Variants in NAA25 observed in about 807,000 individuals in gnomAD.
NAA25 encodes N-terminal acetyltransferase B complex subunit NAA25.
In NAA25, 30 loss-of-function variants were observed where a neutral mutation model predicts 132.5. That is an observed-to-expected ratio of 0.23 (90% CI 0.17 to 0.31). The LOEUF is 0.31. NAA25 is among the 10% of genes least tolerant of loss of function. NAA25 has a pLI of 1.00. For missense variants in NAA25, 771 were observed against 1,150.4 expected, an observed-to-expected ratio of 0.67 and a Z score of 4.77; for synonymous variants, 359 against 401.9, an observed-to-expected ratio of 0.89 and a Z score of 1.28.
intron 23 of NAA25, among the ~76,000 whole-genome samples, chr12:112,030,264 C>CACT (rs1410151348): frequency 1.5e-5 from 2 of 137,326 alleles, no homozygotes; most frequent in African/African-American, 2.7e-5. Context: ...GATTTCTGAT[C>CACT]ACTACTTTTT....
chr12:112,080,981 G>T, intron 5 of NAA25, 79 bp downstream of exon 5: 1 of 1,245,558 alleles, frequency 8.0e-7, no homozygotes, highest in Non-Finnish European at 1.2e-6. Flanking sequence ...AAAAAAACCA[G>T]TTCAGAAGAC....
At chr12:112,089,262 T>C (rs1373378028) in intron 3 of NAA25, among the ~76,000 whole-genome samples, 2 of 152,150 alleles carry the variant, frequency 1.3e-5, no homozygotes, top group South Asian at 2.1e-4. Flanking sequence ...TGATTAAGGT[T>C]ACAAATACCA....
At chr12:112,056,586 C>T (rs2136847032) in intron 13 of NAA25, among the ~76,000 whole-genome samples, 1 of 152,168 alleles carries the variant, frequency 6.6e-6, no homozygotes, top group Admixed American at 6.5e-5. Context: ...TATTTGAGAG[C>T]ACCAACTTCC....
intron 20 of NAA25, among the ~76,000 whole-genome samples, chr12:112,041,054 GCC>G (rs2078294083): frequency 6.6e-6 from 1 of 151,816 alleles, no homozygotes; most frequent in Non-Finnish European, 1.5e-5. Flanking sequence ...GGTGGTGCAC[GCC>G]AGTAGTCCCA....
chr12:112,065,028 T>C (rs757982650), intron 11 of NAA25, among the ~76,000 whole-genome samples: 14 of 148,972 alleles, frequency 9.4e-5, no homozygotes, highest in Non-Finnish European at 2.1e-4. Context: ...GAGCGAAACT[T>C]GTCTCAAAAA....
intron 10 of NAA25, 79 bp from the exon 11 acceptor site, chr12:112,069,071 C>T: frequency 1.2e-6 from 1 of 854,274 alleles, no homozygotes; most frequent in Non-Finnish European, 1.9e-6. Context: ...AATTTGAAAA[C>T]ATTCATTTCA....
chr12:112,077,825 C>T (rs534977355), intron 7 of NAA25, among the ~76,000 whole-genome samples: 107 of 151,170 alleles, frequency 7.1e-4, no homozygotes, highest in Non-Finnish European at 1.4e-3. Context: ...AAACATTGTG[C>T]TAACTGAATA....
At chr12:112,045,500 A>AAAC (rs2078367453) in intron 17 of NAA25, among the ~76,000 whole-genome samples, 2 of 147,458 alleles carry the variant, frequency 1.4e-5, no homozygotes, top group African/African-American at 2.5e-5. Context: ...AAAAAAAAAA[A>AAAC]AAAAAAAATA....
chr12:112,100,666 C>G (rs2079281530), intron 1 of NAA25, among the ~76,000 whole-genome samples: 1 of 133,544 alleles, frequency 7.5e-6, no homozygotes, highest in Non-Finnish European at 1.5e-5. Context: ...GTTGCCCAGG[C>G]TGGAGTGCAG....
At chr12:112,042,255 G>C (rs542109507) in intron 19 of NAA25, 151 bp from the exon 20 acceptor site, 1 of 367,362 alleles carries the variant, frequency 2.7e-6, no homozygotes, top group African/African-American at 2.1e-5. Context: ...GAGACAAAAA[G>C]AAAATGATAA....
intron 23 of NAA25, among the ~76,000 whole-genome samples, chr12:112,030,560 G>A (rs2078136254): frequency 6.6e-6 from 1 of 152,120 alleles, no homozygotes; most frequent in Non-Finnish European, 1.5e-5. Flanking sequence ...TTATTTGCTG[G>A]CAAATGTTTG....
At chr12:112,086,073 T>TATACACACACACACACAC (rs759148501) in intron 4 of NAA25, among the ~76,000 whole-genome samples, 7 of 53,988 alleles carry the variant, frequency 1.3e-4, no homozygotes, top group East Asian at 2.3e-3. Flanking sequence ...TATATATATA[T>TATACACACACACACACAC]ACACACACAC....
chr12:112,090,692 C>G lies in NAA25; in HGVS notation c.283+34G>C, dbSNP rs1327989295. The G allele has an allele frequency of 2.5e-6, 4 of 1,593,558 alleles. No homozygotes were observed. In the East Asian group the frequency reaches 9.0e-5, roughly 36 times the overall value. The stretch of plus-strand genomic sequence containing the variant: ...TCAGAAATATCCAAAATTTTCAGCT[C>G]AAGTTTAAAAACAATGAAAAGAAAG... On this transcript the variant is annotated intron_variant, in intron 3 of 23. Transcript: ENST00000261745.
intron 11 of NAA25, chr12:112,064,389 C>G (rs2136867717): frequency 6.6e-6 from 1 of 152,238 alleles, no homozygotes; most frequent in African/African-American, 2.4e-5. Context: ...CACCACCACA[C>G]CTGGCTAATT....
intron 6 of NAA25, 76 bp from the exon 7 acceptor site, chr12:112,078,342 A>C (rs766018702): frequency 8.8e-7 from 1 of 1,134,684 alleles, no homozygotes; most frequent in African/African-American, 1.6e-5. Flanking sequence ...TAGGTTTTTA[A>C]AAAGTTATTT....
chr12:112,081,365 T>TCC (rs1345633006), intron 4 of NAA25, among the ~76,000 whole-genome samples: 1 of 152,198 alleles, frequency 6.6e-6, no homozygotes, highest in Non-Finnish European at 1.5e-5. Flanking sequence ...AAAATTAAAG[T>TCC]CCAACATTTC....
chr12:112,079,531 T>G (rs1262568116), intron 5 of NAA25, among the ~76,000 whole-genome samples: 1 of 151,012 alleles, frequency 6.6e-6, no homozygotes, highest in East Asian at 1.9e-4. Context: ...GGAGGTGCAG[T>G]AAGCTGAGGT....
At chr12:112,093,195 A>C in intron 1 of NAA25, 59 bp from the exon 2 acceptor site, 1 of 1,038,434 alleles carries the variant, frequency 9.6e-7, no homozygotes, top group Non-Finnish European at 1.5e-6. Flanking sequence ...AATATAAAAA[A>C]TGCACCAACT....
At position 112,047,799 on chromosome 12, in the gene NAA25, G is replaced by A. The variant is rs2136823933; in HGVS notation, c.1881-9C>T. On this transcript the variant is annotated splice_polypyrimidine_tract_variant and intron_variant, in intron 16 of 23. Coordinates refer to ENST00000261745, the MANE Select transcript of NAA25 (RefSeq NM_024953.4). ...CTGCTAAACTGGTTGATCTGTGATA[G>A]AGAAAAATCCACATATTATTTTAAT... is the stretch of plus-strand genomic sequence containing the variant. 6.3e-7 allele frequency: 1 copy of A among 1,588,574 alleles called. No individual in the cohort carries two copies. The highest frequency in any genetic ancestry group is 8.5e-7 in the Non-Finnish European group (1 of 1,171,524).
Sources: allele counts gnomAD v4.1 joint callset (sites outside exome capture counted in the v4.1 genomes callset), GRCh38; gene constraint gnomAD v4.1.1; transcripts MANE v1.5; gene names NCBI Gene and HGNC (gene_info 2026-07-23, HGNC 2026-07-21).